Variants in PPIP5K1 observed in about 807,000 individuals in gnomAD.
PPIP5K1 encodes inositol hexakisphosphate and diphosphoinositol-pentakisphosphate kinase 1.
A neutral mutation model predicts 27.7 loss-of-function variants in PPIP5K1; 6 were observed. The ratio of observed to expected loss-of-function variants is 0.22; its 90% CI spans 0.12 to 0.43. The LOEUF (loss-of-function observed/expected upper bound fraction) is 0.43. Among genes scored for constraint, PPIP5K1 ranks in the 20% least tolerant of loss-of-function variants. The pLI, the probability that PPIP5K1 is intolerant of heterozygous loss-of-function variation, is 1.00. For synonymous variants in PPIP5K1, 145 were observed against 242.6 expected (o/e 0.60, Z 3.74); for missense variants, 394 against 635.4 (o/e 0.62, Z 4.08).
In PPIP5K1 at chr15:43,579,013, G is replaced by A; in HGVS notation, c.1163+6C>T. On this transcript the variant is annotated splice_donor_region_variant and intron_variant, in intron 11 of 31. Transcript: ENST00000420765. ...AGGTTACTCCAGATTTTTTGCTTTT[G>A]CTTACATAGTGCCAGATGTGGTGGG... 9.7e-6 allele frequency: 1 copy of A among 102,814 alleles called. No individual in the cohort carries two copies. Among genetic ancestry groups the A allele is most frequent in the Non-Finnish European group, 1.6e-5 (1 of 64,088 alleles). The allele number at this position is 102,814 out of a possible 1,614,324, so 6.4% of individuals were successfully genotyped here.
In PPIP5K1 at chr15:43,557,008, G is replaced by A. The variant is rs146703464; in HGVS notation, c.3556+1787C>T. On this transcript the variant is annotated intron_variant, in intron 30 of 31. Coordinates refer to ENST00000420765, the MANE Select transcript of PPIP5K1 (RefSeq NM_001394395.1). ...TTTTGGTGTTTCTGTGGATGAACAA[G>A]CCCTTGGAGCTACCTACTTAACACA... 3.6e-3 allele frequency among the ~76,000 whole-genome samples: 546 copies of A among 152,290 alleles called. 3 individuals are homozygous for A. Among genetic ancestry groups the A allele is most frequent in the African/African-American group, 0.012 (515 of 41,556 alleles).
chr15:43,535,364 CA>C lies in PPIP5K1; in HGVS notation c.3782del (p.Val1261GlyfsTer24). 6.2e-7 allele frequency: 1 copy of C among 1,614,144 alleles called. No individual in the cohort carries two copies. The highest frequency in any genetic ancestry group is 8.5e-7 in the Non-Finnish European group (1 of 1,180,022). ...GCCCAAGGCCTTGATGTTCTTCAGC[CA>C]CGTGTGAATTTAGGGAGGGTTGATC... ...FSDQPSLNSH[V>X]AEEHQGLGLL... On this transcript the variant is annotated frameshift_variant, in exon 32 of 32. Coordinates refer to ENST00000420765, the MANE Select transcript of PPIP5K1 (RefSeq NM_001394395.1). LOFTEE classifies it low-confidence loss of function (END_TRUNC).
intron 30 of PPIP5K1, among the ~76,000 whole-genome samples, 166 bp from the exon 31 acceptor site, chr15:43,539,749 C>A (rs541864091): frequency 6.6e-6 from 1 of 152,224 alleles, no homozygotes; most frequent in South Asian, 2.1e-4. Context: ...ATTTTTTAAA[C>A]GTTATATTAT....
chr15:43,534,940 C>T lies in PPIP5K1; in HGVS notation c.4207G>A (p.Val1403Ile), dbSNP rs749578240. 1.9e-6 allele frequency: 3 copies of T among 1,614,100 alleles called. No homozygotes were observed. In the South Asian group the frequency reaches 3.3e-5, roughly 18 times the overall value. The change falls in exon 32 of 32, where the codon GTT (valine) becomes ATT (isoleucine). Residue 1403 changes from valine to isoleucine, a missense_variant. Physicochemically the swap from Val to Ile is conservative, Grantham distance 29. Coordinates refer to ENST00000420765, the MANE Select transcript of PPIP5K1 (RefSeq NM_001394395.1). ...TGGAACTTATGGACCAGCTTGCCAA[C>T]CTCCACAGAGACCCCCTGGCATGGC... is the stretch of plus-strand genomic sequence containing the variant. ...SQPCQGVSVE[V>I]GKLVHKFHVG... is the part of the protein sequence containing the mutation.
chr15:43,558,132 G>A (rs937353277), intron 30 of PPIP5K1, among the ~76,000 whole-genome samples: 1 of 150,410 alleles, frequency 6.6e-6, no homozygotes, highest in Non-Finnish European at 1.5e-5. Context: ...TGCGATCTTG[G>A]CTCATAGCAA....
intron 31 of PPIP5K1, among the ~76,000 whole-genome samples, chr15:43,535,696 T>C (rs2079750299): frequency 6.6e-6 from 1 of 152,216 alleles, no homozygotes; most frequent in African/African-American, 2.4e-5. Context: ...ATAAGGTACA[T>C]CTAAGACTTC....
intron 31 of PPIP5K1, among the ~76,000 whole-genome samples, chr15:43,535,979 G>C (rs568904026): frequency 6.6e-6 from 1 of 152,332 alleles, no homozygotes; most frequent in East Asian, 1.9e-4. Flanking sequence ...ACTCTCATTT[G>C]AATCTGATGT....
intron 31 of PPIP5K1, among the ~76,000 whole-genome samples, chr15:43,537,146 C>T (rs1392847539): frequency 2.0e-5 from 3 of 150,908 alleles, no homozygotes; most frequent in Admixed American, 6.6e-5. Flanking sequence ...ACCAGCCTGA[C>T]CAACATAGTG....
At chr15:43,551,957 A>C (rs1049140334) in intron 30 of PPIP5K1, among the ~76,000 whole-genome samples, 1 of 149,158 alleles carries the variant, frequency 6.7e-6, no homozygotes, top group Non-Finnish European at 1.5e-5. Flanking sequence ...ATAAAGTATA[A>C]ATTAGATTAT....
intron 30 of PPIP5K1, among the ~76,000 whole-genome samples, chr15:43,558,519 C>G (rs1402201390): frequency 1.3e-5 from 2 of 152,168 alleles, no homozygotes; most frequent in Non-Finnish European, 2.9e-5. Flanking sequence ...AGCCACTGCG[C>G]CCGGCCTTAT....
At position 43,534,744 on chromosome 15, in the gene PPIP5K1, T is replaced by C. The variant is rs2140251332; in HGVS notation, c.4403A>G (p.Asp1468Gly). 2 of 1,549,232 alleles carry C rather than the reference T, an allele frequency of 1.3e-6. No individual in the cohort carries two copies. The highest frequency in any genetic ancestry group is 2.2e-5 in the East Asian group (1 of 44,476). ...NLLSQGIPEI[D>G]KPSQEFPEEI... ...CTCAGGGAACTCTTGGGATGGTTTA[T>C]CAATCTCAGGGATGCCCTGAGATAA... The change falls in exon 32 of 32, where the codon GAT (aspartate) becomes GGT (glycine). Residue 1468 changes from aspartate (D) to glycine (G), a missense_variant. Around this residue, in one of 4 missense-constraint regions of PPIP5K1, gnomAD observed 379 missense variants for 423.9 expected, o/e 0.89. Coordinates refer to ENST00000420765, the MANE Select transcript of PPIP5K1 (RefSeq NM_001394395.1).
At chr15:43,554,748 T>G (rs2082708946) in intron 30 of PPIP5K1, among the ~76,000 whole-genome samples, 1 of 152,078 alleles carries the variant, frequency 6.6e-6, no homozygotes, top group Admixed American at 6.6e-5. Context: ...AGGTATAAGT[T>G]GGAAGTCTGT....
chr15:43,546,536 C>T (rs533096838), intron 30 of PPIP5K1, among the ~76,000 whole-genome samples: 12 of 152,088 alleles, frequency 7.9e-5, no homozygotes, highest in Admixed American at 2.0e-4. Flanking sequence ...AGCAATCCTC[C>T]TGCCTTGGCC....
At chr15:43,557,682 G>A (rs1175928303) in intron 30 of PPIP5K1, among the ~76,000 whole-genome samples, 1 of 150,678 alleles carries the variant, frequency 6.6e-6, no homozygotes, top group African/African-American at 2.4e-5. Context: ...TCTCTCTTTT[G>A]TGGTAACATC....
chr15:43,545,534 G>C (rs2081272412), intron 30 of PPIP5K1, among the ~76,000 whole-genome samples: 1 of 141,540 alleles, frequency 7.1e-6, no homozygotes, highest in Non-Finnish European at 1.5e-5. Context: ...TGATTGTGTA[G>C]TAGCACAATC....
rs747958166 is a variant in PPIP5K1, at chr15:43,536,128, G to A, written c.3671-652C>T. 3 of 1,285,358 alleles carry A rather than the reference G, an allele frequency of 2.3e-6. No individual in the cohort carries two copies. The Admixed American group carries it at 6.9e-5, about 30-fold the overall frequency. 79.6% of individuals were successfully genotyped at this position (1,285,358 alleles called of 1,614,324 possible). On this transcript the variant is annotated intron_variant, in intron 31 of 31. Coordinates refer to ENST00000420765, the MANE Select transcript of PPIP5K1 (RefSeq NM_001394395.1). Reference sequence around the variant, plus strand: ...AAATCAGAACAATAGGAAAGAAAATGGTTTACCTGGCTGGGTGCGGTGGCT... The same window carrying A: ...AAATCAGAACAATAGGAAAGAAAATAGTTTACCTGGCTGGGTGCGGTGGCT...
At chr15:43,544,902 G>C (rs185613854) in intron 30 of PPIP5K1, among the ~76,000 whole-genome samples, 1 of 152,078 alleles carries the variant, frequency 6.6e-6, no homozygotes, top group African/African-American at 2.4e-5. Flanking sequence ...ATTGGGGCCG[G>C]GCGTGGTGGC....
chr15:43,554,172 C>T (rs1221891159), intron 30 of PPIP5K1, among the ~76,000 whole-genome samples: 1 of 152,170 alleles, frequency 6.6e-6, no homozygotes, highest in African/African-American at 2.4e-5. Context: ...GTTTTGAAGT[C>T]TGCAACTACT....
Position 43,558,815 on chromosome 15 carries a change from G to T in PPIP5K1, c.3536C>A (p.Ala1179Asp). 1 of 1,614,068 alleles carries T rather than the reference G, an allele frequency of 6.2e-7. No homozygotes were observed. Among genetic ancestry groups the T allele is most frequent in the Non-Finnish European group, 8.5e-7 (1 of 1,180,032 alleles). Residue 1179 changes from alanine (A) to aspartate (D), a missense_variant, in exon 30 of 32, where the codon GCC (alanine) becomes GAC (aspartate). Physicochemically the swap from Ala to Asp is moderately radical, Grantham distance 126. Around this residue, in one of 4 missense-constraint regions of PPIP5K1, gnomAD observed 379 missense variants for 423.9 expected, o/e 0.89. Coordinates refer to ENST00000420765, the MANE Select transcript of PPIP5K1 (RefSeq NM_001394395.1). ...CCTACCTGCAGATGCCTGTGCCTGG[G>T]CATCAGTGTGGCGCTGGCAGACTCT... ...LSRVCQRHTDAQAQASAALFD... is the reference protein window; with the variant it reads ...LSRVCQRHTDDQAQASAALFD...
Sources: allele counts gnomAD v4.1 joint callset (sites outside exome capture counted in the v4.1 genomes callset), GRCh38; gene constraint gnomAD v4.1.1; regional missense constraint gnomAD v4.1.1; transcripts MANE v1.5; gene names NCBI Gene and HGNC (gene_info 2026-07-23, HGNC 2026-07-21).